Variants in CPLANE1 observed in about 807,000 individuals in gnomAD.
CPLANE1 encodes ciliogenesis and planar polarity effector 1.
CPLANE1 carries 263 observed loss-of-function variants against 362.5 expected under a neutral mutation model. The observed-to-expected ratio is 0.73, with a 90% CI of 0.66 to 0.80. CPLANE1 has a LOEUF of 0.80. CPLANE1 is among the 30% of genes least tolerant of loss of function. CPLANE1 has a pLI of 0.00. For synonymous variants in CPLANE1, 1,212 were observed against 1,302.6 expected, an observed-to-expected ratio of 0.93 and a Z score of 1.50; for missense variants, 3,461 against 3,793.4, an observed-to-expected ratio of 0.91 and a Z score of 2.30.
intron 15 of CPLANE1, among the ~76,000 whole-genome samples, chr5:37,215,959 G>A (rs1026880511): frequency 1.3e-5 from 2 of 151,910 alleles, no homozygotes; most frequent in African/African-American, 4.8e-5. Flanking sequence ...AGTCTCCTGA[G>A]TAGCTGGGAC....
chr5:37,154,411 T>C (rs1282023193), intron 41 of CPLANE1, among the ~76,000 whole-genome samples: 2 of 151,210 alleles, frequency 1.3e-5, no homozygotes, highest in Non-Finnish European at 2.9e-5. Flanking sequence ...CCAATGACTC[T>C]TCTTATTCTT....
intron 25 of CPLANE1, among the ~76,000 whole-genome samples, chr5:37,184,493 A>T (rs2151170943): frequency 6.6e-6 from 1 of 152,126 alleles, no homozygotes; most frequent in East Asian, 1.9e-4. Context: ...AAAGATTACT[A>T]AAAAAAACTG....
At chr5:37,095,860 T>C in the CPLANE1 span, among the ~76,000 whole-genome samples, 1 of 152,152 alleles carries the variant, frequency 6.6e-6, no homozygotes, top group East Asian at 1.9e-4. Flanking sequence ...CTTAGGAATA[T>C]ACCTAACCCA....
At chr5:37,130,092 G>A (rs963389076) in intron 46 of CPLANE1, among the ~76,000 whole-genome samples, 5 of 152,140 alleles carry the variant, frequency 3.3e-5, no homozygotes, top group Non-Finnish European at 7.4e-5. Flanking sequence ...AACGGCATTC[G>A]CAGCAACCTG....
intron 44 of CPLANE1, chr5:37,140,944 G>T: frequency 1.0e-6 from 1 of 985,124 alleles, no homozygotes; most frequent in Non-Finnish European, 1.2e-6. Flanking sequence ...ATGTGGCTCA[G>T]GGAAGCCAAA....
At chr5:37,162,762 T>A (rs967286768) in intron 37 of CPLANE1, 196 bp from the exon 38 acceptor site, 3 of 363,802 alleles carry the variant, frequency 8.2e-6, no homozygotes, top group African/African-American at 6.3e-5. Flanking sequence ...TTACTGCAAC[T>A]TCCCCCTCCC....
rs145347771 is a variant in CPLANE1, at chr5:37,142,362, G to A, written c.8580C>T (p.Ala2860=). ...AACTGGAAAGGCTGACAGCTGAATCGGCAGTAGGAAACACACAGGTTTTCT... is the reference window on the plus strand; with the variant it reads ...AACTGGAAAGGCTGACAGCTGAATCAGCAGTAGGAAACACACAGGTTTTCT... The part of the protein sequence containing the change: ...SGQKTCVFPT[A]DSAVSLSSSS... The change falls in exon 44 of 53, where the codon GCC becomes GCT. Residue 2860 remains alanine (A), a synonymous_variant. Transcript: ENST00000651892. The A allele has an allele frequency of 8.4e-5, 135 of 1,610,358 alleles. 1 individual carries two copies. The African/African-American group carries it at 1.0e-3, about 12-fold the overall frequency.
chr5:37,169,613 T>A, intron 33 of CPLANE1, 52 bp from the exon 34 acceptor site: 2 of 1,466,586 alleles, frequency 1.4e-6, no homozygotes, highest in Non-Finnish European at 1.8e-6. Context: ...AGAAATTCCT[T>A]CCTTTGTAAA....
chr5:37,153,600 A>G (rs1774186237), intron 42 of CPLANE1, 140 bp downstream of exon 42: 1 of 791,592 alleles, frequency 1.3e-6, no homozygotes, highest in Non-Finnish European at 2.0e-6. Flanking sequence ...TCAAATGTCA[A>G]TAGTGCTGAG....
chr5:37,125,172 T>C (rs1200348647), intron 47 of CPLANE1, 72 bp downstream of exon 47: 12 of 1,492,834 alleles, frequency 8.0e-6, no homozygotes, highest in African/African-American at 1.4e-5. Flanking sequence ...GTTAATCTTT[T>C]TCTTAAAATT....
chr5:37,248,039 T>A (rs1190410120), intron 1 of CPLANE1, among the ~76,000 whole-genome samples: 1 of 151,456 alleles, frequency 6.6e-6, no homozygotes, highest in South Asian at 2.1e-4. Flanking sequence ...ATCCATCCAC[T>A]TCGTCCTCCC....
At chr5:37,160,812 C>T (rs12110069) in intron 38 of CPLANE1, among the ~76,000 whole-genome samples, 15,915 of 151,498 alleles carry the variant, frequency 0.11, 894 homozygotes, top group Admixed American at 0.14. Context: ...GCTGGGACTA[C>T]AGGCGCCTGC....
At chr5:37,100,023 C>T in the CPLANE1 span, among the ~76,000 whole-genome samples, 4 of 148,958 alleles carry the variant, frequency 2.7e-5, no homozygotes, top group South Asian at 2.1e-4. Flanking sequence ...CTTTGTCAGA[C>T]GGATAGAGTA....
chr5:37,190,793 T>G (rs1281034291), intron 21 of CPLANE1, among the ~76,000 whole-genome samples: 1 of 152,166 alleles, frequency 6.6e-6, no homozygotes, highest in Non-Finnish European at 1.5e-5. Flanking sequence ...GACATCATAG[T>G]CCACACATTA....
chr5:37,217,708 G>T (rs1794414745), intron 15 of CPLANE1, among the ~76,000 whole-genome samples: 1 of 151,818 alleles, frequency 6.6e-6, no homozygotes, highest in African/African-American at 2.4e-5. Context: ...TGGGCGAAGT[G>T]GCTCATGCCT....
chr5:37,145,685 T>C (rs1430210198), intron 43 of CPLANE1, among the ~76,000 whole-genome samples: 3 of 151,326 alleles, frequency 2.0e-5, no homozygotes, highest in Admixed American at 1.3e-4. Flanking sequence ...TCTGAACCAA[T>C]ACAGCAGGAA....
At position 37,214,367 on chromosome 5, in the gene CPLANE1, C is replaced by T. The variant is rs541292351; in HGVS notation, c.2747-635G>A. ...GTGCGCACCTATAGTCCCAGCTATT[C>T]AGGGTGCTGAGGTAGGAGGATCGCT... On this transcript the variant is annotated intron_variant, in intron 15 of 52. Coordinates refer to ENST00000651892, the MANE Select transcript of CPLANE1 (RefSeq NM_001384732.1). 7.9e-5 allele frequency among the ~76,000 whole-genome samples: 12 copies of T among 152,164 alleles called. No individual in the cohort carries two copies. In the South Asian group the frequency reaches 2.5e-3, roughly 32 times the overall value.
chr5:37,143,325 T>C (rs1053534636), intron 43 of CPLANE1, among the ~76,000 whole-genome samples: 8 of 152,114 alleles, frequency 5.3e-5, no homozygotes, highest in Admixed American at 2.0e-4. Flanking sequence ...GATTCAACAA[T>C]TGATAATGTG....
chr5:37,161,294 T>C (rs891171488), intron 38 of CPLANE1, among the ~76,000 whole-genome samples: 3 of 152,222 alleles, frequency 2.0e-5, no homozygotes, highest in African/African-American at 7.2e-5. Flanking sequence ...CAGGAGACTT[T>C]ATGACAGTAT....
Sources: gnomAD v4.1 joint callset for allele counts (sites outside exome capture counted in the v4.1 genomes callset) on GRCh38, gnomAD v4.1.1 for gene constraint, MANE v1.5 for transcripts, NCBI Gene and HGNC (gene_info 2026-07-23, HGNC 2026-07-21) for gene names.